The following ARL15 variants were observed in gnomAD, a reference collection of about 807,000 sequenced individuals.
ARL15 encodes ADP-ribosylation factor-like protein 15.
A neutral mutation model predicts 25.2 loss-of-function variants in ARL15; 19 were observed. The ratio of observed to expected loss-of-function variants is 0.75; its 90% confidence interval spans 0.53 to 1.10. The LOEUF is 1.10. Ranked by LOEUF, ARL15 falls within the 50% of genes least tolerant of loss-of-function variation. ARL15 has a pLI of 0.00. For synonymous variants in ARL15, 94 were observed against 86.8 expected, an observed-to-expected ratio of 1.08 and a Z score of -0.46; for missense variants, 220 against 246.0, an observed-to-expected ratio of 0.89 and a Z score of 0.71.
intron 4 of ARL15, among the ~76,000 whole-genome samples, chr5:53,949,747 G>A (rs1182554298): frequency 6.6e-6 from 1 of 152,164 alleles, no homozygotes; most frequent in African/African-American, 2.4e-5. Context: ...TATTCTGACA[G>A]GAGATTCTAT....
intron 4 of ARL15, among the ~76,000 whole-genome samples, chr5:54,044,849 C>G (rs1750457817): frequency 6.6e-6 from 1 of 152,146 alleles, no homozygotes; most frequent in Non-Finnish European, 1.5e-5. Flanking sequence ...TTCCTTTTGA[C>G]AAAATTTTAT....
chr5:53,995,833 C>T (rs568978322), intron 4 of ARL15, among the ~76,000 whole-genome samples: 8 of 139,272 alleles, frequency 5.7e-5, no homozygotes. Flanking sequence ...CCCAAAGTCC[C>T]CTAGGCAAAA....
chr5:53,904,121 C>T (rs1403147008), intron 4 of ARL15, among the ~76,000 whole-genome samples: 2 of 152,272 alleles, frequency 1.3e-5, no homozygotes, highest in Non-Finnish European at 2.9e-5. Flanking sequence ...AACAATAGCA[C>T]ATAGAGCTAT....
At chr5:54,048,713 T>C (rs1261450758) in intron 4 of ARL15, among the ~76,000 whole-genome samples, 1 of 151,758 alleles carries the variant, frequency 6.6e-6, no homozygotes, top group Non-Finnish European at 1.5e-5. Context: ...CAAAATTCTA[T>C]ATTTCATGAT....
At chr5:53,888,070 T>C (rs1211628001) in intron 4 of ARL15, among the ~76,000 whole-genome samples, 2 of 151,964 alleles carry the variant, frequency 1.3e-5, no homozygotes, top group African/African-American at 4.8e-5. Flanking sequence ...TGAAAGTTCA[T>C]AATAAACACT....
chr5:54,005,878 A>AC (rs1554033503), intron 4 of ARL15, among the ~76,000 whole-genome samples: 3 of 148,364 alleles, frequency 2.0e-5, no homozygotes, highest in African/African-American at 7.5e-5. Flanking sequence ...AAAAAACCAA[A>AC]AAAACCCAAA....
At chr5:54,223,868 C>T (rs1756444867) in intron 1 of ARL15, among the ~76,000 whole-genome samples, 1 of 152,094 alleles carries the variant, frequency 6.6e-6, no homozygotes, top group African/African-American at 2.4e-5. Flanking sequence ...TTGGGAAGAG[C>T]TTCCTTGACT....
Position 54,070,349 on chromosome 5 carries a change from G to A in ARL15, c.462+42853C>T, listed in dbSNP as rs956846368. The stretch of plus-strand genomic sequence containing the variant: ...GGAGCTTGCAGTGAGCCGAGATCGC[G>A]CCACTGCACCCCAGCCTGGGCGACA... On this transcript the variant is annotated intron_variant, in intron 4 of 4. Coordinates refer to ENST00000504924, the MANE Select transcript of ARL15 (RefSeq NM_019087.3). Among the ~76,000 whole-genome samples the A allele has an allele frequency of 2.0e-4, 30 of 150,884 alleles. No homozygotes were observed. The South Asian group carries it at 4.6e-3, about 23-fold the overall frequency.
intron 2 of ARL15, among the ~76,000 whole-genome samples, chr5:54,170,933 T>A (rs973396535): frequency 6.6e-6 from 1 of 152,204 alleles, no homozygotes; most frequent in Non-Finnish European, 1.5e-5. Context: ...CATCTCACCC[T>A]TCTCCTTCCT....
At chr5:54,151,539 C>T (rs764511366) in intron 3 of ARL15, among the ~76,000 whole-genome samples, 16 of 151,976 alleles carry the variant, frequency 1.1e-4, no homozygotes, top group Non-Finnish European at 1.9e-4. Flanking sequence ...AGTAAGAAAA[C>T]ACCACATGAA....
At chr5:53,894,094 A>G (rs1377307913) in intron 4 of ARL15, among the ~76,000 whole-genome samples, 1 of 152,248 alleles carries the variant, frequency 6.6e-6, no homozygotes, top group East Asian at 1.9e-4. Context: ...GTTAACCAAT[A>G]TCACAATATT....
At chr5:54,198,667 A>C (rs1194199513) in intron 1 of ARL15, among the ~76,000 whole-genome samples, 1 of 151,022 alleles carries the variant, frequency 6.6e-6, no homozygotes, top group African/African-American at 2.5e-5. Context: ...AAATGGAAGA[A>C]CATTCCATGC....
intron 4 of ARL15, among the ~76,000 whole-genome samples, chr5:53,941,214 G>T (rs1318341960): frequency 6.6e-6 from 1 of 151,758 alleles, no homozygotes; most frequent in Non-Finnish European, 1.5e-5. Flanking sequence ...AAGATATGAA[G>T]AAATCCAACA....
At chr5:53,957,198 T>C (rs947815373) in intron 4 of ARL15, among the ~76,000 whole-genome samples, 5 of 152,110 alleles carry the variant, frequency 3.3e-5, no homozygotes, top group African/African-American at 9.7e-5. Context: ...AAGGTATTTT[T>C]AAAGCAACAA....
chr5:54,089,088 G>A (rs1048141967), intron 4 of ARL15, among the ~76,000 whole-genome samples: 2 of 152,158 alleles, frequency 1.3e-5, no homozygotes, highest in African/African-American at 2.4e-5. Flanking sequence ...GCTATTCAAA[G>A]TGCTGTAAAA....
intron 1 of ARL15, among the ~76,000 whole-genome samples, chr5:54,184,439 TAAAAAAAAAAAAAAAAA>T (rs527755025): frequency 2.0e-3 from 138 of 69,120 alleles, no homozygotes; most frequent in South Asian, 5.2e-3. Context: ...ACACTGTCTT[TAAAAAAAAAAAAAAAAA>T]AAAAAAAAAA....
intron 4 of ARL15, among the ~76,000 whole-genome samples, chr5:53,995,554 A>T (rs990794850): frequency 6.6e-6 from 1 of 152,194 alleles, no homozygotes; most frequent in African/African-American, 2.4e-5. Context: ...GAAAACAGTT[A>T]CACTACTAAG....
At chr5:54,241,562 A>T (rs1266290721) in intron 1 of ARL15, among the ~76,000 whole-genome samples, 3 of 152,208 alleles carry the variant, frequency 2.0e-5, no homozygotes, top group African/African-American at 4.8e-5. Context: ...GTAAAATAAT[A>T]GTGTTTATTA....
intron 2 of ARL15, among the ~76,000 whole-genome samples, chr5:54,165,393 T>C (rs1437401363): frequency 6.6e-6 from 1 of 152,088 alleles, no homozygotes; most frequent in Non-Finnish European, 1.5e-5. Flanking sequence ...TTTCTTATAA[T>C]GCTTATCTGC....
Sources: allele counts gnomAD v4.1 joint callset (sites outside exome capture counted in the v4.1 genomes callset), GRCh38; gene constraint gnomAD v4.1.1; transcripts MANE v1.5; gene names NCBI Gene and HGNC (gene_info 2026-07-23, HGNC 2026-07-21).